The following KNDC1 variants were observed in gnomAD, a reference collection of about 807,000 sequenced individuals.
KNDC1 encodes the protein kinase non-catalytic C-lobe domain containing 1.
A neutral mutation model predicts 172.8 loss-of-function variants in KNDC1; 106 were observed. That is an observed-to-expected ratio of 0.61 (90% CI 0.52 to 0.72). KNDC1 has a LOEUF of 0.72. Ranked by LOEUF, KNDC1 falls within the 30% of genes least tolerant of loss-of-function variation. The probability of loss-of-function intolerance (pLI) is 0.00; values close to 1 mark genes in which losing one functional copy is unlikely to be tolerated. For synonymous variants in KNDC1, 1,083 were observed against 1,062.2 expected, an observed-to-expected ratio of 1.02 and a Z score of -0.38; for missense variants, 2,325 against 2,394.5, an observed-to-expected ratio of 0.97 and a Z score of 0.61.
At chr10:133,204,815 G>A (rs897815636) in intron 17 of KNDC1, among the ~76,000 whole-genome samples, 29 of 152,054 alleles carry the variant, frequency 1.9e-4, no homozygotes, top group African/African-American at 6.5e-4. Context: ...TGAGCCCCTC[G>A]GGGCGGTCGC....
chr10:133,210,646 T>G lies in KNDC1; in HGVS notation c.3830T>G (p.Leu1277Arg). 6.2e-7 allele frequency: 1 copy of G among 1,613,302 alleles called. No homozygotes were observed. Among genetic ancestry groups the G allele is most frequent in the Non-Finnish European group, 8.5e-7 (1 of 1,179,664 alleles). The change falls in exon 21 of 30, where the codon CTC becomes CGC. Residue 1277 changes from leucine (L) to arginine (R), a missense_variant. Leu to Arg is a moderately radical substitution (Grantham distance 102). Coordinates refer to ENST00000304613, the MANE Select transcript of KNDC1 (RefSeq NM_152643.8). ...AFLEGYVQQF[L>R]YTFRYFCTPH... ...CTGGAGGGTTATGTGCAGCAATTCC[T>G]CTACACCTTCCGCTACTTCTGCACA... is the stretch of plus-strand genomic sequence containing the variant.
chr10:133,188,487 C>A, intron 6 of KNDC1, 52 bp from the exon 7 acceptor site: 2 of 1,229,934 alleles, frequency 1.6e-6, no homozygotes, highest in Non-Finnish European at 2.3e-6. Flanking sequence ...CTCCAGGCGG[C>A]GGGCCCTGGC....
At chr10:133,210,441 AAATTTGAGGGTTATCCATGTCCCCCCTTT>A (rs1251551486) in intron 20 of KNDC1, among the ~76,000 whole-genome samples, 141 bp from the exon 21 acceptor site, 1 of 151,464 alleles carries the variant, frequency 6.6e-6, no homozygotes, top group African/African-American at 2.4e-5. Flanking sequence ...ATGAAATTTG[AAATTTGAGGGTTATCCATGTCCCCCCTTT>A]AATTTCTCCG....
intron 15 of KNDC1, among the ~76,000 whole-genome samples, 160 bp from the exon 16 acceptor site, chr10:133,200,215 C>T (rs967664299): frequency 5.9e-5 from 9 of 152,182 alleles, no homozygotes; most frequent in African/African-American, 1.9e-4. Flanking sequence ...CCAGGGATCC[C>T]GTCGGCTGCT....
intron 15 of KNDC1, among the ~76,000 whole-genome samples, chr10:133,199,877 C>G (rs1854312699): frequency 6.6e-6 from 1 of 152,154 alleles, no homozygotes; most frequent in African/African-American, 2.4e-5. Context: ...CTCCGGGAGG[C>G]TGCAGGGGGC....
chr10:133,212,583 T>C lies in KNDC1; in HGVS notation c.4237-133T>C. ...GCGGGTGGGCAGGCTGCTCTCTGGC[T>C]CTGGCTGGGCCAGTCTGAGGAGTAC... is the stretch of plus-strand genomic sequence containing the variant. On this transcript the variant is annotated intron_variant, in intron 23 of 29. Coordinates refer to ENST00000304613, the MANE Select transcript of KNDC1 (RefSeq NM_152643.8). The C allele has an allele frequency of 2.8e-6, 2 of 712,450 alleles. 1 individual carries two copies. The highest frequency in any genetic ancestry group is 4.6e-6 in the Non-Finnish European group (2 of 436,914). 44.1% of individuals were successfully genotyped at this position (712,450 alleles called of 1,614,324 possible). A position where few individuals can be genotyped will look rare whatever the true frequency, so the allele number is the denominator to read the frequency against.
At chr10:133,222,331 G>A (rs1365492008) in intron 29 of KNDC1, among the ~76,000 whole-genome samples, 3 of 151,912 alleles carry the variant, frequency 2.0e-5, no homozygotes, top group African/African-American at 7.2e-5. Context: ...AAGAAAACAA[G>A]CCAAGAGTGG....
rs1845711264 is a variant in KNDC1 at position 133,226,004 on chromosome 10, G to C, written c.*1114G>C. 6.6e-6 allele frequency: 1 copy of C among 152,254 alleles called. No individual in the cohort carries two copies. The highest frequency in any genetic ancestry group is 1.5e-5 in the Non-Finnish European group (1 of 68,046). The allele number at this position is 152,254 out of a possible 1,614,324, so 9.4% of individuals were successfully genotyped here. On this transcript the variant is annotated 3_prime_UTR_variant, in exon 30 of 30. Coordinates refer to ENST00000304613, the MANE Select transcript of KNDC1 (RefSeq NM_152643.8). ...GGTGCCAATCACAAGACCCAGGGTT[G>C]TGCTTTTGAGTTTTAGAATTAGTCA...
chr10:133,202,659 G>T, intron 17 of KNDC1: 1 of 456,672 alleles, frequency 2.2e-6, no homozygotes, highest in Non-Finnish European at 4.4e-6. Context: ...CCTTCCTGGG[G>T]CTCCTCCTTG....
intron 17 of KNDC1, among the ~76,000 whole-genome samples, chr10:133,203,759 T>C (rs994176313): frequency 6.6e-6 from 1 of 152,238 alleles, no homozygotes; most frequent in African/African-American, 2.4e-5. Context: ...CCCTCCTCAC[T>C]GCCCCACATG....
At chr10:133,177,028 T>G (rs552592161) in intron 3 of KNDC1, among the ~76,000 whole-genome samples, 1 of 152,342 alleles carries the variant, frequency 6.6e-6, no homozygotes, top group South Asian at 2.1e-4. Context: ...GCATGGCAGC[T>G]GACCCAGCCC....
chr10:133,210,722 C>G lies in KNDC1; in HGVS notation c.3906C>G (p.Thr1302=). The change falls in exon 21 of 30, where the codon ACC becomes ACG. Residue 1302 remains threonine, a splice_region_variant and synonymous_variant. Coordinates refer to ENST00000304613, the MANE Select transcript of KNDC1 (RefSeq NM_152643.8). The part of the protein sequence containing the change: ...FLLDRINSTL[T]RAHQDPTSTF... Reference sequence around the variant, plus strand: ...TCGACCGCATCAACAGCACGCTGACCAGGTACCAAGCTCCACAGCTCCACG... The same window carrying G: ...TCGACCGCATCAACAGCACGCTGACGAGGTACCAAGCTCCACAGCTCCACG... The G allele has an allele frequency of 6.2e-7, 1 of 1,611,124 alleles. No homozygotes were observed. The highest frequency in any genetic ancestry group is 8.5e-7 in the Non-Finnish European group (1 of 1,177,240).
chr10:133,190,604 G>T (rs1346696370), intron 9 of KNDC1, among the ~76,000 whole-genome samples: 1 of 152,254 alleles, frequency 6.6e-6, no homozygotes, highest in African/African-American at 2.4e-5. Flanking sequence ...AAAGCAATGG[G>T]CGCACACTAA....
intron 2 of KNDC1, 63 bp from the exon 3 acceptor site, chr10:133,168,190 CT>C (rs1853241805): frequency 6.8e-7 from 1 of 1,471,918 alleles, no homozygotes. Flanking sequence ...CCCTTCTCAG[CT>C]GGCGGGTTCA....
chr10:133,204,999 A>ACCCCAGAACCACCACCCTCCTCAC (rs1845146697), intron 17 of KNDC1, among the ~76,000 whole-genome samples: 1 of 41,690 alleles, frequency 2.4e-5, no homozygotes, highest in Admixed American at 2.1e-4. Flanking sequence ...CAGACCCCTC[A>ACCCCAGAACCACCACCCTCCTCAC]CCCCAGAACC....
chr10:133,193,102 G>C lies in KNDC1; in HGVS notation c.1576-2561G>C, dbSNP rs112074331. Among the ~76,000 whole-genome samples, 370 of 53,062 alleles carry C rather than the reference G, an allele frequency of 7.0e-3. 2 individuals are homozygous for C. The highest frequency in any genetic ancestry group is 0.013 in the African/African-American group (334 of 24,748). 34.8% of individuals were successfully genotyped at this position (53,062 alleles called of 152,430 possible). On this transcript the variant is annotated intron_variant, in intron 9 of 29. Transcript: ENST00000304613. ...CAGCAGCTTACATATATACACATAT[G>C]GGGGGGGAAAACAGTTCAGATGATC... is the stretch of plus-strand genomic sequence containing the variant.
At position 133,209,395 on chromosome 10, in the gene KNDC1, CAT is replaced by C. The variant is rs1486918313; in HGVS notation, c.3795-1215_3795-1214del. Among the ~76,000 whole-genome samples, 53 of 147,372 alleles carry C rather than the reference CAT, an allele frequency of 3.6e-4. No homozygotes were observed. Among genetic ancestry groups the C allele is most frequent in the Middle Eastern group, 3.4e-3 (1 of 292 alleles). ...TGAGGTATAGTGTGGCATGTGTGCA[CAT>C]GTGTGATCTGTGGTGTGTGGCGGGT... On this transcript the variant is annotated intron_variant, in intron 20 of 29. Coordinates refer to ENST00000304613, the MANE Select transcript of KNDC1 (RefSeq NM_152643.8). The surrounding 1 kb of genome is among the most constrained non-coding windows in gnomAD (Gnocchi z 4.9).
rs1845424114 is a variant in KNDC1, at chr10:133,213,900, C to T, written c.4527-72C>T. 8 of 1,586,782 alleles carry T rather than the reference C, an allele frequency of 5.0e-6. No individual in the cohort carries two copies. The Admixed American group carries it at 1.3e-4, about 27-fold the overall frequency. On this transcript the variant is annotated intron_variant, in intron 25 of 29. Coordinates refer to ENST00000304613, the MANE Select transcript of KNDC1 (RefSeq NM_152643.8). ...TGGCCCGACCCCAGCCCACCCTGCA[C>T]CAGCAGCCCCAGGGCCGGGCAGGGC...
intron 3 of KNDC1, among the ~76,000 whole-genome samples, chr10:133,170,262 T>C (rs1447905584): frequency 6.6e-6 from 1 of 152,158 alleles, no homozygotes; most frequent in Admixed American, 6.5e-5. Flanking sequence ...CAGGTGGACG[T>C]ACATCTGTTC....
Sources: allele counts gnomAD v4.1 joint callset (sites outside exome capture counted in the v4.1 genomes callset), GRCh38; gene constraint gnomAD v4.1.1; non-coding constraint Gnocchi (gnomAD v3.1); transcripts MANE v1.5; gene names NCBI Gene and HGNC (gene_info 2026-07-23, HGNC 2026-07-21).